Variants in CDKN1B observed in about 807,000 individuals in gnomAD.
The protein encoded by CDKN1B is cyclin dependent kinase inhibitor 1B, also known as cyclin-dependent kinase inhibitor 1B.
A neutral mutation model predicts 17.1 loss-of-function variants in CDKN1B; 7 were observed. That is an observed-to-expected ratio of 0.41 (90% CI 0.23 to 0.77). CDKN1B has a LOEUF of 0.77. CDKN1B is among the 30% of genes least tolerant of loss of function. The pLI is 0.33. For missense variants in CDKN1B, 337 were observed against 262.0 expected, an observed-to-expected ratio of 1.29 and a Z score of -1.98; for synonymous variants, 149 against 104.3, an observed-to-expected ratio of 1.43 and a Z score of -2.61.
rs749315608 is a variant in CDKN1B at position 12,717,384 on chromosome 12, C to T, written c.-456C>T. On this transcript the variant is annotated 5_prime_UTR_variant, in exon 1 of 3. Transcript: ENST00000228872. The stretch of plus-strand genomic sequence containing the variant: ...AATCATTTTCTTCTTCGTCAGCCTC[C>T]CTTCCACCGCCATATTGGGCCACTA... 54 of 1,175,764 alleles carry T rather than the reference C, an allele frequency of 4.6e-5. No individual in the cohort carries two copies. Among genetic ancestry groups the T allele is most frequent in the Non-Finnish European group, 5.7e-5 (54 of 945,072 alleles). 72.8% of individuals were successfully genotyped at this position (1,175,764 alleles called of 1,614,324 possible). A position where few individuals can be genotyped will look rare whatever the true frequency, so the allele number is the denominator to read the frequency against.
At position 12,717,641 on chromosome 12, in the gene CDKN1B, C is replaced by A; in HGVS notation, c.-199C>A. 6.8e-7 allele frequency: 1 copy of A among 1,467,752 alleles called. No individual in the cohort carries two copies. Among genetic ancestry groups the A allele is most frequent in the African/African-American group, 1.4e-5 (1 of 70,508 alleles). 90.9% of individuals were successfully genotyped at this position (1,467,752 alleles called of 1,614,324 possible). ...GTCCATTTGATCAGCGGAGACTCGGCGGCCGGGCCGGGGCTTCCCCGCAGC... is the reference window on the plus strand; with the variant it reads ...GTCCATTTGATCAGCGGAGACTCGGAGGCCGGGCCGGGGCTTCCCCGCAGC... On this transcript the variant is annotated 5_prime_UTR_variant, in exon 1 of 3. Transcript: ENST00000228872.
chr12:12,721,255 C>A lies in CDKN1B; in HGVS notation c.*228C>A. The A allele has an allele frequency of 2.3e-6, 1 of 435,720 alleles. No individual in the cohort carries two copies. The highest frequency in any genetic ancestry group is 3.0e-5 in the Admixed American group (1 of 32,958). The allele number at this position is 435,720 out of a possible 1,614,324, so 27.0% of individuals were successfully genotyped here. On this transcript the variant is annotated 3_prime_UTR_variant, in exon 3 of 3. Coordinates refer to ENST00000228872, the MANE Select transcript of CDKN1B (RefSeq NM_004064.5). The stretch of plus-strand genomic sequence containing the variant: ...GTAGCATTATGCAATTAGGTTTTTC[C>A]TTATTTGCTTCATTGTACTACCTGT...
In CDKN1B at chr12:12,717,891, G is replaced by A. The variant is rs1946486987; in HGVS notation, c.52G>A (p.Ala18Thr). 3 of 1,613,868 alleles carry A rather than the reference G, an allele frequency of 1.9e-6. No homozygotes were observed. The highest frequency in any genetic ancestry group is 2.5e-6 in the Non-Finnish European group (3 of 1,180,028). Reference protein sequence around the residue: ...NGSPSLERMDARQAEHPKPSA... With the variant: ...NGSPSLERMDTRQAEHPKPSA... The stretch of plus-strand genomic sequence containing the variant: ...GAGCCCTAGCCTGGAGCGGATGGAC[G>A]CCAGGCAGGCGGAGCACCCCAAGCC... The change falls in exon 1 of 3, where the codon GCC becomes ACC. Residue 18 changes from alanine to threonine, a missense_variant. Physicochemically the swap from Ala to Thr is moderately conservative, Grantham distance 58. Transcript: ENST00000228872.
chr12:12,717,678 C>A lies in CDKN1B; in HGVS notation c.-162C>A. On this transcript the variant is annotated 5_prime_UTR_variant, in exon 1 of 3. Transcript: ENST00000228872. Reference sequence around the variant, plus strand: ...GGCTTCCCCGCAGCCCCTGCGCGCTCCTAGAGCTCGGGCCGTGGCTCGTCG... The same window carrying A: ...GGCTTCCCCGCAGCCCCTGCGCGCTACTAGAGCTCGGGCCGTGGCTCGTCG... The A allele has an allele frequency of 6.6e-7, 1 of 1,522,924 alleles. No individual in the cohort carries two copies. Among genetic ancestry groups the A allele is most frequent in the Non-Finnish European group, 8.8e-7 (1 of 1,142,464 alleles). 94.3% of individuals were successfully genotyped at this position (1,522,924 alleles called of 1,614,324 possible). A position where few individuals can be genotyped will look rare whatever the true frequency, so the allele number is the denominator to read the frequency against.
In CDKN1B at chr12:12,721,336, G is replaced by T; in HGVS notation, c.*309G>T. On this transcript the variant is annotated 3_prime_UTR_variant, in exon 3 of 3. Transcript: ENST00000228872. Reference sequence around the variant, plus strand: ...TAAACTTTGGGGAAGGGAGGGCAGGGTGGGGCTGAGGAACTGACGTGGAGC... The same window carrying T: ...TAAACTTTGGGGAAGGGAGGGCAGGTTGGGGCTGAGGAACTGACGTGGAGC... 1 of 413,444 alleles carries T rather than the reference G, an allele frequency of 2.4e-6. No homozygotes were observed. The highest frequency in any genetic ancestry group is 4.4e-6 in the Non-Finnish European group (1 of 225,072). The allele number at this position is 413,444 out of a possible 1,614,324, so 25.6% of individuals were successfully genotyped here.
rs1592281782 is a variant in CDKN1B, at chr12:12,718,919, G to A, written c.570G>A (p.Lys190=). 6.2e-7 allele frequency: 1 copy of A among 1,614,146 alleles called. No homozygotes were observed. Among genetic ancestry groups the A allele is most frequent in the Non-Finnish European group, 8.5e-7 (1 of 1,180,024 alleles). ...NAGSVEQTPK[K]PGLRRRQT is the part of the protein sequence containing the mutation. ...GTTCTGTGGAGCAGACGCCCAAGAA[G>A]CCTGGCCTCAGAAGACGTCAAACGT... The change falls in exon 2 of 3, where the codon AAG becomes AAA. Residue 190 remains lysine (K), a synonymous_variant. Transcript: ENST00000228872.
At chr12:12,719,179 C>T (rs1269006672) in intron 2 of CDKN1B, 5 of 548,642 alleles carry the variant, frequency 9.1e-6, no homozygotes, top group Admixed American at 6.3e-5. Flanking sequence ...AGAGCAGCTA[C>T]TTGTAACCCA....
Position 12,717,708 on chromosome 12 carries a change from C to G in CDKN1B, c.-132C>G, listed in dbSNP as rs928467438. ...AGCTCGGGCCGTGGCTCGTCGGGGT[C>G]TGTGTCTTTTGGCTCCGAGGGCAGT... On this transcript the variant is annotated 5_prime_UTR_variant, in exon 1 of 3. Coordinates refer to ENST00000228872, the MANE Select transcript of CDKN1B (RefSeq NM_004064.5). 5 of 1,553,414 alleles carry G rather than the reference C, an allele frequency of 3.2e-6. No homozygotes were observed. In the East Asian group the frequency reaches 7.2e-5, roughly 22 times the overall value.
intron 2 of CDKN1B, chr12:12,719,203 A>T: frequency 2.1e-6 from 1 of 486,274 alleles, no homozygotes; most frequent in Non-Finnish European, 3.7e-6. Context: ...CCCATCGGGT[A>T]GGAAGGTCGT....
chr12:12,719,880 C>T (rs1946524725), intron 2 of CDKN1B, among the ~76,000 whole-genome samples: 1 of 152,300 alleles, frequency 6.6e-6, no homozygotes, highest in South Asian at 2.1e-4. Flanking sequence ...TAATAAACTA[C>T]ATATTTTAAT....
In CDKN1B at chr12:12,717,711, T is replaced by G. The variant is rs1946482164; in HGVS notation, c.-129T>G. 6.4e-6 allele frequency: 10 copies of G among 1,555,880 alleles called. No homozygotes were observed. Among genetic ancestry groups the G allele is most frequent in the Middle Eastern group, 4.5e-4 (2 of 4,398 alleles). On this transcript the variant is annotated 5_prime_UTR_variant, in exon 1 of 3. Coordinates refer to ENST00000228872, the MANE Select transcript of CDKN1B (RefSeq NM_004064.5). ...TCGGGCCGTGGCTCGTCGGGGTCTG[T>G]GTCTTTTGGCTCCGAGGGCAGTCGC...
chr12:12,717,910 C>G lies in CDKN1B; in HGVS notation c.71C>G (p.Pro24Arg). Residue 24 changes from proline to arginine, a missense_variant, in exon 1 of 3, where the codon CCC becomes CGC. Transcript: ENST00000228872. ...ERMDARQAEH[P>R]KPSACRNLFG... ...ATGGACGCCAGGCAGGCGGAGCACC[C>G]CAAGCCCTCGGCCTGCAGGAACCTC... 2 of 1,614,156 alleles carry G rather than the reference C, an allele frequency of 1.2e-6. No homozygotes were observed. Among genetic ancestry groups the G allele is most frequent in the Non-Finnish European group, 1.7e-6 (2 of 1,180,044 alleles).
intron 1 of CDKN1B, 144 bp from the exon 2 acceptor site, chr12:12,718,681 A>G (rs559062870): frequency 1.0e-6 from 1 of 971,114 alleles, no homozygotes; most frequent in Non-Finnish European, 1.6e-6. Flanking sequence ...TTGTGCCCTT[A>G]AAAGCCACTG....
rs893245433 is a variant in CDKN1B, at chr12:12,717,375, G to C, written c.-465G>C. The C allele has an allele frequency of 2.2e-5, 25 of 1,150,946 alleles. No individual in the cohort carries two copies. The South Asian group carries it at 6.4e-4, about 29-fold the overall frequency. The allele number at this position is 1,150,946 out of a possible 1,614,324, so 71.3% of individuals were successfully genotyped here. A position where few individuals can be genotyped will look rare whatever the true frequency, so the allele number is the denominator to read the frequency against. ...CGCCGTGTCAATCATTTTCTTCTTCGTCAGCCTCCCTTCCACCGCCATATT... is the reference window on the plus strand; with the variant it reads ...CGCCGTGTCAATCATTTTCTTCTTCCTCAGCCTCCCTTCCACCGCCATATT... On this transcript the variant is annotated 5_prime_UTR_variant, in exon 1 of 3. Coordinates refer to ENST00000228872, the MANE Select transcript of CDKN1B (RefSeq NM_004064.5).
chr12:12,717,760 C>G lies in CDKN1B; in HGVS notation c.-80C>G. On this transcript the variant is annotated 5_prime_UTR_variant, in exon 1 of 3. Coordinates refer to ENST00000228872, the MANE Select transcript of CDKN1B (RefSeq NM_004064.5). ...GCTGGGCTTCCGAGAGGGGTTCGGG[C>G]TGCGTAGGGGCGCTTTGTTTTGTTC... 6.3e-7 allele frequency: 1 copy of G among 1,599,722 alleles called. No homozygotes were observed. The highest frequency in any genetic ancestry group is 2.3e-4 in the Middle Eastern group (1 of 4,428).
chr12:12,718,992 G>T (rs1315703642), intron 2 of CDKN1B, 38 bp downstream of exon 2: 1 of 1,611,804 alleles, frequency 6.2e-7, no homozygotes, highest in East Asian at 2.2e-5. Flanking sequence ...CTGGAACCCG[G>T]GGCCTTCAGA....
rs1015250243 is a variant in CDKN1B at position 12,717,426 on chromosome 12, C to T, written c.-414C>T. ...GGGCCACTAAAAAAAGGGGGCTCGT[C>T]TTTTCGGGGTGTTTTTCTCCCCCTC... On this transcript the variant is annotated 5_prime_UTR_variant, in exon 1 of 3. Transcript: ENST00000228872. 1.9e-5 allele frequency: 23 copies of T among 1,234,464 alleles called. No homozygotes were observed. The highest frequency in any genetic ancestry group is 3.1e-5 in the African/African-American group (2 of 65,182). The allele number at this position is 1,234,464 out of a possible 1,614,324, so 76.5% of individuals were successfully genotyped here.
chr12:12,718,320 G>A lies in CDKN1B; in HGVS notation c.475+6G>A, dbSNP rs2136356673. 1.9e-6 allele frequency: 3 copies of A among 1,599,570 alleles called. No homozygotes were observed. Among genetic ancestry groups the A allele is most frequent in the East Asian group, 2.2e-5 (1 of 44,864 alleles). ...GAAGCGACCTGCAACCGACGGTAAT[G>A]ACCCTTTCCCAACCATAGAATGTGT... On this transcript the variant is annotated splice_donor_region_variant and intron_variant, in intron 1 of 2. Transcript: ENST00000228872.
At chr12:12,718,781 A>G (rs555088327) in intron 1 of CDKN1B, 44 bp from the exon 2 acceptor site, 4 of 1,611,968 alleles carry the variant, frequency 2.5e-6, no homozygotes, top group East Asian at 2.2e-5. Flanking sequence ...TGTTTTTTCT[A>G]ATAAAGATTG....
Sources: gnomAD v4.1 joint callset for allele counts (sites outside exome capture counted in the v4.1 genomes callset) on GRCh38, gnomAD v4.1.1 for gene constraint, MANE v1.5 for transcripts, NCBI Gene and HGNC (gene_info 2026-07-23, HGNC 2026-07-21) for gene names.